The following THRB variants were observed in gnomAD, a reference collection of about 807,000 sequenced individuals.
THRB encodes the protein thyroid hormone receptor beta, also known as nuclear receptor subfamily 1 group A member 2.
A neutral mutation model predicts 47.8 loss-of-function variants in THRB; 12 were observed. That is an observed-to-expected ratio of 0.25 (90% confidence interval 0.16 to 0.41). The LOEUF (loss-of-function observed/expected upper bound fraction) is 0.41. Among genes scored for constraint, THRB ranks in the 10% least tolerant of loss-of-function variants. The pLI is 1.00. For synonymous variants in THRB, 218 were observed against 212.2 expected, an observed-to-expected ratio of 1.03 and a Z score of -0.24; for missense variants, 348 against 589.2, an observed-to-expected ratio of 0.59 and a Z score of 4.24.
intron 1 of THRB, among the ~76,000 whole-genome samples, chr3:24,353,222 T>C (rs2063466315): frequency 1.3e-5 from 2 of 152,104 alleles, no homozygotes; most frequent in South Asian, 4.1e-4. Context: ...TCATGTGGGA[T>C]GTGTAGAATA....
intron 4 of THRB, among the ~76,000 whole-genome samples, chr3:24,193,089 A>G (rs1260359679): frequency 6.6e-6 from 1 of 152,180 alleles, no homozygotes; most frequent in Non-Finnish European, 1.5e-5. Flanking sequence ...AATTCTACCT[A>G]CTGGATATAC....
intron 1 of THRB, among the ~76,000 whole-genome samples, chr3:24,463,295 C>A (rs577216213): frequency 6.6e-6 from 1 of 152,320 alleles, no homozygotes; most frequent in Admixed American, 6.5e-5. Context: ...GAGTCTCATC[C>A]TGTAGCCCAG....
At chr3:24,223,893 T>TG (rs987926807) in intron 4 of THRB, among the ~76,000 whole-genome samples, 132 of 145,014 alleles carry the variant, frequency 9.1e-4, no homozygotes, top group Middle Eastern at 3.5e-3. Context: ...AATGTGTGTG[T>TG]GGGGGGGGTA....
At chr3:24,139,679 G>C (rs826384) in intron 8 of THRB, among the ~76,000 whole-genome samples, 83,304 of 152,032 alleles carry the variant, frequency 0.55, 22,971 homozygotes, top group East Asian at 0.66. Context: ...AGCCACTGTG[G>C]CCAGCCCTGT....
intron 4 of THRB, among the ~76,000 whole-genome samples, chr3:24,194,327 T>G (rs1403747181): frequency 1.4e-5 from 2 of 140,682 alleles, no homozygotes; most frequent in East Asian, 4.2e-4. Flanking sequence ...TGGGACACAA[T>G]GCACACAGTA....
chr3:24,264,772 C>A (rs905357442), intron 3 of THRB, among the ~76,000 whole-genome samples: 16 of 145,564 alleles, frequency 1.1e-4, no homozygotes, highest in African/African-American at 4.1e-4. Context: ...CTTAGAGAAC[C>A]CCCTAAAACA....
intron 4 of THRB, among the ~76,000 whole-genome samples, chr3:24,212,127 G>A (rs556600555): frequency 7.2e-5 from 11 of 152,214 alleles, no homozygotes; most frequent in African/African-American, 2.6e-4. Context: ...GGCCAGGCAT[G>A]GTGGCTTATG....
At chr3:24,473,163 T>C (rs1481662560) in intron 1 of THRB, among the ~76,000 whole-genome samples, 1 of 152,220 alleles carries the variant, frequency 6.6e-6, no homozygotes, top group African/African-American at 2.4e-5. Context: ...CATTTTAACA[T>C]GTAATAGAAA....
chr3:24,485,037 G>C (rs1560305985), intron 1 of THRB, among the ~76,000 whole-genome samples: 3 of 152,164 alleles, frequency 2.0e-5, no homozygotes, highest in Admixed American at 2.0e-4. Flanking sequence ...ATCCCCATCA[G>C]TTAGAAAATC....
At chr3:24,203,805 C>G (rs2044906099) in intron 4 of THRB, among the ~76,000 whole-genome samples, 1 of 152,234 alleles carries the variant, frequency 6.6e-6, no homozygotes. Context: ...ATCACTCCCA[C>G]CCTAATACTG....
At chr3:24,463,415 G>A (rs2073864949) in intron 1 of THRB, among the ~76,000 whole-genome samples, 1 of 152,026 alleles carries the variant, frequency 6.6e-6, no homozygotes, top group Admixed American at 6.6e-5. Context: ...CACATGTGCG[G>A]CTAATTTTTT....
chr3:24,144,153 A>G (rs2035797182), intron 7 of THRB: 1 of 189,326 alleles, frequency 5.3e-6, no homozygotes, highest in African/African-American at 2.3e-5. Context: ...AAGAAACGTT[A>G]TGGAATTAAA....
chr3:24,447,473 G>T (rs1400779061), intron 1 of THRB, among the ~76,000 whole-genome samples: 2 of 152,094 alleles, frequency 1.3e-5, no homozygotes, highest in Non-Finnish European at 2.9e-5. Flanking sequence ...ATCTCAGAGG[G>T]AATACCTTTG....
intron 1 of THRB, among the ~76,000 whole-genome samples, chr3:24,422,527 G>A (rs773157062): frequency 6.6e-6 from 1 of 151,838 alleles, no homozygotes; most frequent in Non-Finnish European, 1.5e-5. Flanking sequence ...GTCTAATCCT[G>A]ATACAGCCAC....
In THRB at chr3:24,441,012, C is replaced by T. The variant is rs1166402505; in HGVS notation, c.-261+53640G>A. 6.6e-5 allele frequency among the ~76,000 whole-genome samples: 10 copies of T among 152,188 alleles called. No individual in the cohort carries two copies. In the South Asian group the frequency reaches 2.1e-3, roughly 32 times the overall value. ...TCAAGGTGTTAGCTGAAGCTGCAAA[C>T]TCAGCTATGGCTTGGGGTCTCCTAA... is the stretch of plus-strand genomic sequence containing the variant. On this transcript the variant is annotated intron_variant, in intron 1 of 10. Transcript: ENST00000646209.
At chr3:24,285,710 A>C (rs1458476610) in intron 3 of THRB, among the ~76,000 whole-genome samples, 1 of 152,206 alleles carries the variant, frequency 6.6e-6, no homozygotes, top group Non-Finnish European at 1.5e-5. Context: ...AATGCCCAAG[A>C]AAACAGTGCT....
chr3:24,145,415 T>C (rs1283656358), intron 7 of THRB, among the ~76,000 whole-genome samples: 1 of 152,180 alleles, frequency 6.6e-6, no homozygotes, highest in African/African-American at 2.4e-5. Flanking sequence ...TTAAACCTCA[T>C]AGACACTAGT....
intron 3 of THRB, among the ~76,000 whole-genome samples, chr3:24,268,398 TA>T (rs1462496298): frequency 3.9e-5 from 6 of 152,184 alleles, no homozygotes; most frequent in Non-Finnish European, 8.8e-5. Context: ...TGAGATCCTT[TA>T]AAAAATTGCT....
intron 3 of THRB, among the ~76,000 whole-genome samples, chr3:24,295,513 A>G (rs1388070807): frequency 1.3e-5 from 2 of 152,220 alleles, no homozygotes; most frequent in Non-Finnish European, 2.9e-5. Flanking sequence ...TACAAAGACA[A>G]GTTTTTGTTC....
Sources: allele counts gnomAD v4.1 joint callset (sites outside exome capture counted in the v4.1 genomes callset), GRCh38; gene constraint gnomAD v4.1.1; transcripts MANE v1.5; gene names NCBI Gene and HGNC (gene_info 2026-07-23, HGNC 2026-07-21).